The following ZC3H12B variants were observed in gnomAD, a reference collection of about 807,000 sequenced individuals.
ZC3H12B encodes the protein zinc finger CCCH-type containing 12B.
A neutral mutation model predicts 43.9 loss-of-function variants in ZC3H12B; 7 were observed. That is an observed-to-expected ratio of 0.16 (90% CI 0.09 to 0.30). The LOEUF (loss-of-function observed/expected upper bound fraction) is 0.30, where lower values mean the gene tolerates loss of function less well. ZC3H12B is among the 10% of genes least tolerant of loss of function. ZC3H12B has a pLI of 1.00. For synonymous variants in ZC3H12B, 222 were observed against 241.7 expected (o/e 0.92, Z 0.76); for missense variants, 475 against 670.2 (o/e 0.71, Z 3.22).
At chrX:65,288,463 A>C in the ZC3H12B span, among the ~76,000 whole-genome samples, 1 of 112,591 alleles carries the variant, frequency 8.9e-6, no homozygotes, top group African/African-American at 3.2e-5. Context: ...CACCAAAATC[A>C]GATTGGATTT....
chrX:65,044,508 A>G, the ZC3H12B span, among the ~76,000 whole-genome samples: 2 of 110,159 alleles, frequency 1.8e-5, no homozygotes, highest in South Asian at 7.6e-4. Context: ...GATTTGATTT[A>G]TATGTAAAGA....
At chrX:65,155,845 C>A in the ZC3H12B span, among the ~76,000 whole-genome samples, 1 of 109,241 alleles carries the variant, frequency 9.2e-6, no homozygotes, top group South Asian at 4.0e-4. Flanking sequence ...GGTGACAGAG[C>A]GAGGCCTTTT....
the ZC3H12B span, among the ~76,000 whole-genome samples, chrX:65,195,095 C>CTT: frequency 2.1e-4 from 18 of 87,591 alleles, no homozygotes; most frequent in Admixed American, 1.3e-3. Flanking sequence ...ATCATTGGGT[C>CTT]TTTTTTTTTT....
the ZC3H12B span, among the ~76,000 whole-genome samples, chrX:65,200,283 C>G: frequency 9.0e-6 from 1 of 110,837 alleles, no homozygotes; most frequent in Non-Finnish European, 1.9e-5. Flanking sequence ...TATCCTTTGC[C>G]CACATCTCAA....
intron 3 of ZC3H12B, among the ~76,000 whole-genome samples, chrX:65,437,104 C>A (rs931979283): frequency 7.2e-5 from 8 of 110,443 alleles, no homozygotes; most frequent in Admixed American, 2.9e-4. Context: ...AGGTGTGCAC[C>A]ACCACGCCCA....
chrX:65,132,856 G>C, the ZC3H12B span, among the ~76,000 whole-genome samples: 15 of 111,305 alleles, frequency 1.3e-4, no homozygotes, highest in African/African-American at 4.9e-4. Flanking sequence ...CAAAGTGTCT[G>C]TGATGGTCTA....
intron 2 of ZC3H12B, among the ~76,000 whole-genome samples, chrX:65,378,344 GTTTAC>G (rs975609829): frequency 9.0e-6 from 1 of 111,170 alleles, no homozygotes; most frequent in Non-Finnish European, 1.9e-5. Context: ...GTGTTTTTTA[GTTTAC>G]TTTATTCTTG....
chrX:65,055,415 C>T, the ZC3H12B span, among the ~76,000 whole-genome samples: 11 of 111,769 alleles, frequency 9.8e-5, no homozygotes, highest in Non-Finnish European at 1.7e-4. Flanking sequence ...TTGAACCAGC[C>T]TTGCATCCCA....
At chrX:65,218,657 G>A in the ZC3H12B span, among the ~76,000 whole-genome samples, 399 of 110,622 alleles carry the variant, frequency 3.6e-3, 2 homozygotes, top group African/African-American at 0.012. Flanking sequence ...CACAGCAGCC[G>A]CAACAAGCCC....
chrX:65,446,480 G>T (rs1243694244), intron 3 of ZC3H12B, among the ~76,000 whole-genome samples: 1 of 111,505 alleles, frequency 9.0e-6, no homozygotes, highest in Non-Finnish European at 1.9e-5. Context: ...ATCCCAAAAC[G>T]CTTTAATGCT....
At chrX:65,251,894 G>A in the ZC3H12B span, among the ~76,000 whole-genome samples, 1 of 111,584 alleles carries the variant, frequency 9.0e-6, no homozygotes, top group African/African-American at 3.3e-5. Flanking sequence ...GGGACAATTT[G>A]ACTTCCTCTT....
chrX:65,061,116 TTTTTC>T, the ZC3H12B span, among the ~76,000 whole-genome samples: 10 of 111,960 alleles, frequency 8.9e-5, no homozygotes, highest in Non-Finnish European at 1.9e-4. Context: ...TAATGTATCC[TTTTTC>T]TTTTATGTTT....
the ZC3H12B span, chrX:65,185,744 AT>A: frequency 9.0e-6 from 1 of 111,543 alleles, no homozygotes; most frequent in African/African-American, 3.2e-5. Flanking sequence ...GGAAAGTAAA[AT>A]TATATAAATA....
intron 3 of ZC3H12B, among the ~76,000 whole-genome samples, chrX:65,434,609 T>A (rs2067198745): frequency 8.9e-6 from 1 of 112,431 alleles, no homozygotes; most frequent in South Asian, 3.7e-4. Context: ...TGTTATTACA[T>A]TTTACCCAGA....
the ZC3H12B span, among the ~76,000 whole-genome samples, chrX:65,088,015 A>G: frequency 8.9e-6 from 1 of 111,906 alleles, no homozygotes; most frequent in Non-Finnish European, 1.9e-5. Flanking sequence ...AATGATGTAA[A>G]ATGTATTGGC....
chrX:65,105,744 G>A, the ZC3H12B span, among the ~76,000 whole-genome samples: 1 of 111,490 alleles, frequency 9.0e-6, no homozygotes, highest in African/African-American at 3.3e-5. Context: ...CCATTCATGT[G>A]GTGTCATGTG....
the ZC3H12B span, chrX:65,273,003 G>A: frequency 1.8e-5 from 2 of 112,156 alleles, no homozygotes; most frequent in Non-Finnish European, 3.8e-5. Context: ...TTCTAAAACT[G>A]GATGATATGG....
chrX:65,209,531 G>T, the ZC3H12B span, among the ~76,000 whole-genome samples: 1 of 101,750 alleles, frequency 9.8e-6, no homozygotes, highest in Non-Finnish European at 2.0e-5. Flanking sequence ...TGATTGCACT[G>T]TGGTCTGAGA....
chrX:65,112,927 G>A, the ZC3H12B span, among the ~76,000 whole-genome samples: 2 of 112,021 alleles, frequency 1.8e-5, no homozygotes, highest in African/African-American at 3.2e-5. Context: ...CAGAGATAAT[G>A]ATTCTTCTGA....
Sources: gnomAD v4.1 joint callset for allele counts (sites outside exome capture counted in the v4.1 genomes callset) on GRCh38, gnomAD v4.1.1 for gene constraint, MANE v1.5 for transcripts, NCBI Gene and HGNC (gene_info 2026-07-23, HGNC 2026-07-21) for gene names.